Variants in ESRRG observed in about 807,000 individuals in gnomAD.
The protein encoded by ESRRG is estrogen-related receptor gamma.
In ESRRG, 13 loss-of-function variants were observed where a neutral mutation model predicts 44.0. The ratio of observed to expected loss-of-function variants is 0.30; its 90% CI spans 0.19 to 0.47. The LOEUF is 0.47. Among genes scored for constraint, ESRRG ranks in the 20% least tolerant of loss-of-function variants. The pLI, the probability that ESRRG is intolerant of heterozygous loss-of-function variation, is 1.00. For missense variants in ESRRG, 395 were observed against 580.6 expected (o/e 0.68, Z 3.29); for synonymous variants, 215 against 214.6 (o/e 1.00, Z -0.02).
At chr1:216,807,100 C>T (rs918738406) in intron 2 of ESRRG, among the ~76,000 whole-genome samples, 4 of 152,164 alleles carry the variant, frequency 2.6e-5, no homozygotes, top group African/African-American at 9.7e-5. Context: ...TGACAATTAA[C>T]AATCAAGTCC....
chr1:216,525,624 G>T (rs946831725), intron 5 of ESRRG, among the ~76,000 whole-genome samples: 2 of 151,958 alleles, frequency 1.3e-5, no homozygotes, highest in Non-Finnish European at 2.9e-5. Context: ...AATTTGTTTG[G>T]CCATCAAGAA....
In ESRRG at chr1:216,713,227, A is replaced by G. The variant is rs1187579387; in HGVS notation, c.56+10017T>C. Among the ~76,000 whole-genome samples, 22 of 152,212 alleles carry G rather than the reference A, an allele frequency of 1.4e-4. 1 individual carries two copies. The highest frequency in any genetic ancestry group is 4.4e-5 in the Non-Finnish European group (3 of 68,028). ...GAAAATGGCAGAACTGGGAGAGTTA[A>G]TGGTTTGTATTGAAGAAAAAAACCA... is the stretch of plus-strand genomic sequence containing the variant. On this transcript the variant is annotated intron_variant, in intron 1 of 6. Coordinates refer to ENST00000408911, the MANE Select transcript of ESRRG (RefSeq NM_001438.4).
intron 3 of ESRRG, among the ~76,000 whole-genome samples, chr1:216,623,943 C>T (rs773853986): frequency 3.3e-5 from 5 of 151,656 alleles, no homozygotes; most frequent in Non-Finnish European, 7.4e-5. Flanking sequence ...AAATGTACTA[C>T]ACCAGTGGGA....
At chr1:216,526,128 G>A (rs988469800) in intron 5 of ESRRG, among the ~76,000 whole-genome samples, 7 of 152,088 alleles carry the variant, frequency 4.6e-5, no homozygotes, top group Non-Finnish European at 1.0e-4. Context: ...GAGGGGAGAG[G>A]ATAGTGAGGG....
chr1:216,891,439 TATGCACACACGTGCAC>T (rs576177789), intron 2 of ESRRG, among the ~76,000 whole-genome samples: 83 of 152,364 alleles, frequency 5.4e-4, no homozygotes, highest in African/African-American at 1.9e-3. Flanking sequence ...GGGACGTGCA[TATGCACACACGTGCAC>T]ATGCACACGC....
At chr1:217,133,480 T>C (rs977033091) in intron 1 of ESRRG, among the ~76,000 whole-genome samples, 10 of 152,236 alleles carry the variant, frequency 6.6e-5, no homozygotes, top group African/African-American at 2.4e-4. Context: ...AGAAACATTT[T>C]GGGGATGGGG....
chr1:216,969,094 T>C (rs73099418), intron 1 of ESRRG, among the ~76,000 whole-genome samples: 8,044 of 152,252 alleles, frequency 0.053, 661 homozygotes, highest in African/African-American at 0.18. Flanking sequence ...CTTAAGCACA[T>C]ATTTAATCAT....
chr1:217,117,236 T>C (rs1238979029), intron 1 of ESRRG, among the ~76,000 whole-genome samples: 1 of 152,170 alleles, frequency 6.6e-6, no homozygotes, highest in African/African-American at 2.4e-5. Context: ...AACAATACTT[T>C]ATGGAGTTTT....
At chr1:217,086,463 A>T (rs2092089872) in intron 1 of ESRRG, among the ~76,000 whole-genome samples, 1 of 152,182 alleles carries the variant, frequency 6.6e-6, no homozygotes, top group Non-Finnish European at 1.5e-5. Context: ...ACAACAAACA[A>T]CTACTACTGT....
rs534439807 is a variant in ESRRG, at chr1:216,642,924, G to A, written c.589+8049C>T. ...ATCCACTTGTAACTAAATGACCTGCGTAGCTTTATATTTTTTAAAGAGAAC... is the reference window on the plus strand; with the variant it reads ...ATCCACTTGTAACTAAATGACCTGCATAGCTTTATATTTTTTAAAGAGAAC... On this transcript the variant is annotated intron_variant, in intron 3 of 6. Transcript: ENST00000408911. Among the ~76,000 whole-genome samples the A allele has an allele frequency of 5.3e-5, 8 of 152,202 alleles. No individual in the cohort carries two copies. In the East Asian group the frequency reaches 9.7e-4, roughly 18 times the overall value.
At chr1:216,643,986 T>A (rs1272031101) in intron 3 of ESRRG, among the ~76,000 whole-genome samples, 2 of 152,154 alleles carry the variant, frequency 1.3e-5, no homozygotes, top group Non-Finnish European at 2.9e-5. Context: ...TGGCCAAGGC[T>A]GCCACACAGC....
At chr1:216,537,994 C>T (rs1425098191) in intron 5 of ESRRG, among the ~76,000 whole-genome samples, 6 of 152,028 alleles carry the variant, frequency 3.9e-5, no homozygotes, top group Non-Finnish European at 7.4e-5. Context: ...GTGTGAAATG[C>T]CTTTTCCCTT....
At chr1:216,721,769 T>G (rs2152069404) in intron 1 of ESRRG, among the ~76,000 whole-genome samples, 1 of 152,348 alleles carries the variant, frequency 6.6e-6, no homozygotes, top group East Asian at 1.9e-4. Context: ...TCTTAAACTC[T>G]CCAATTCTAC....
intron 2 of ESRRG, among the ~76,000 whole-genome samples, chr1:216,931,803 C>T (rs1323413719): frequency 7.5e-6 from 1 of 132,894 alleles, no homozygotes; most frequent in Non-Finnish European, 1.6e-5. Context: ...GAGGAGAAGC[C>T]AATCTAATCA....
chr1:217,081,061 T>C (rs1275984029), intron 1 of ESRRG, among the ~76,000 whole-genome samples: 2 of 152,054 alleles, frequency 1.3e-5, no homozygotes, highest in African/African-American at 2.4e-5. Flanking sequence ...TCCAGCAATC[T>C]TGGGTAGAGT....
intron 2 of ESRRG, among the ~76,000 whole-genome samples, chr1:216,881,477 G>A (rs1480731584): frequency 6.6e-6 from 1 of 152,084 alleles, no homozygotes; most frequent in Non-Finnish European, 1.5e-5. Context: ...GAAATTAAGG[G>A]GGAGTGGGGA....
At chr1:216,709,808 C>CA (rs59790025) in intron 1 of ESRRG, among the ~76,000 whole-genome samples, 22,728 of 151,848 alleles carry the variant, frequency 0.15, 1,780 homozygotes, top group East Asian at 0.28. Context: ...ATTAAACACA[C>CA]AAAAAAATCT....
chr1:216,694,033 A>C (rs2079601152), intron 1 of ESRRG, among the ~76,000 whole-genome samples: 1 of 152,130 alleles, frequency 6.6e-6, no homozygotes, highest in Non-Finnish European at 1.5e-5. Context: ...ACAAAACAAA[A>C]CCCAAAAACC....
Position 216,510,376 on chromosome 1 carries a change from T to G in ESRRG, c.1133-3193A>C, listed in dbSNP as rs561840179. 7.9e-5 allele frequency among the ~76,000 whole-genome samples: 12 copies of G among 152,314 alleles called. No homozygotes were observed. The South Asian group carries it at 2.3e-3, about 29-fold the overall frequency. Reference sequence around the variant, plus strand: ...CCCACATATTAAGTCTAACACCTAATAATAAAATAGAACTTTATCAAAACT... The same window carrying G: ...CCCACATATTAAGTCTAACACCTAAGAATAAAATAGAACTTTATCAAAACT... On this transcript the variant is annotated intron_variant, in intron 6 of 6. Transcript: ENST00000408911.
Sources: gnomAD v4.1 joint callset for allele counts (sites outside exome capture counted in the v4.1 genomes callset) on GRCh38, gnomAD v4.1.1 for gene constraint, MANE v1.5 for transcripts, NCBI Gene and HGNC (gene_info 2026-07-23, HGNC 2026-07-21) for gene names.